Variants in PDE11A observed in about 807,000 individuals in gnomAD.
PDE11A encodes the protein phosphodiesterase 11A, also known as dual 3',5'-cyclic-AMP and -GMP phosphodiesterase 11A.
Under a neutral mutation model 100.5 loss-of-function variants are expected in PDE11A, and 100 were observed. The ratio of observed to expected loss-of-function variants is 1.00; its 90% CI spans 0.85 to 1.18. The LOEUF (loss-of-function observed/expected upper bound fraction) is 1.18. PDE11A is among the 50% of genes most tolerant of loss of function. The pLI is 0.00. For missense variants in PDE11A, 1,141 were observed against 1,152.6 expected, an observed-to-expected ratio of 0.99 and a Z score of 0.15; for synonymous variants, 381 against 420.8, an observed-to-expected ratio of 0.91 and a Z score of 1.16.
chr2:177,851,823 G>A (rs1180379799), intron 5 of PDE11A, among the ~76,000 whole-genome samples: 1 of 152,034 alleles, frequency 6.6e-6, no homozygotes, highest in Non-Finnish European at 1.5e-5. Context: ...ATGGGGGTTT[G>A]TTGTATGGAT....
At position 177,816,828 on chromosome 2, in the gene PDE11A, C is replaced by A. The variant is rs746042601; in HGVS notation, c.1737+1G>T. On this transcript the variant is annotated splice_donor_variant, in intron 9 of 19. Coordinates refer to ENST00000286063, the MANE Select transcript of PDE11A (RefSeq NM_016953.4). LOFTEE classifies it high-confidence loss of function. The stretch of plus-strand genomic sequence containing the variant: ...AAACCTGACATAAACACTGTACTTA[C>A]ATCAAGAGCCACAGACTGCTTGGCC... 6.5e-7 allele frequency: 1 copy of A among 1,549,194 alleles called. No homozygotes were observed. Among genetic ancestry groups the A allele is most frequent in the Admixed American group, 1.7e-5 (1 of 59,930 alleles).
chr2:177,894,082 G>T (rs879550538), intron 4 of PDE11A, among the ~76,000 whole-genome samples: 1 of 152,152 alleles, frequency 6.6e-6, no homozygotes, highest in Non-Finnish European at 1.5e-5. Flanking sequence ...GAGATAAACA[G>T]TTTCCTGTTT....
At chr2:177,904,191 T>C (rs911291569) in intron 3 of PDE11A, among the ~76,000 whole-genome samples, 1 of 152,342 alleles carries the variant, frequency 6.6e-6, no homozygotes, top group Admixed American at 6.5e-5. Context: ...TATTTGATAA[T>C]GTAGCATTTT....
chr2:178,073,483 A>C (rs2087165657), upstream of PDE11A, among the ~76,000 whole-genome samples: 1 of 152,176 alleles, frequency 6.6e-6, no homozygotes, highest in Admixed American at 6.5e-5. Context: ...TGGAGTATTT[A>C]ATTAACAGCA....
chr2:178,064,652 T>TA (rs77529888), intron 1 of PDE11A, among the ~76,000 whole-genome samples: 376 of 138,860 alleles, frequency 2.7e-3, no homozygotes, highest in African/African-American at 5.2e-3. Flanking sequence ...GTTATTATGT[T>TA]AAAAAAAAAA....
intron 2 of PDE11A, among the ~76,000 whole-genome samples, chr2:177,989,535 G>A (rs1043385761): frequency 2.6e-5 from 4 of 152,156 alleles, no homozygotes; most frequent in Admixed American, 6.5e-5. Flanking sequence ...CTGACCCACT[G>A]GGGATGCAAT....
chr2:177,875,734 G>C (rs1412959860), intron 5 of PDE11A, 125 bp downstream of exon 5: 6 of 728,602 alleles, frequency 8.2e-6, no homozygotes, highest in East Asian at 2.6e-5. Context: ...AAATACAGAA[G>C]AGTCACGATA....
rs1298313636 is a variant in PDE11A, at chr2:177,781,634, T to C, written c.1738-12261A>G. Reference sequence around the variant, plus strand: ...TCTCCTGACTCAGCCTCCAAGTAGCTGGGACTACAGGTGCGTGCCACCACA... The same window carrying C: ...TCTCCTGACTCAGCCTCCAAGTAGCCGGGACTACAGGTGCGTGCCACCACA... On this transcript the variant is annotated intron_variant, in intron 9 of 19. Coordinates refer to ENST00000286063, the MANE Select transcript of PDE11A (RefSeq NM_016953.4). Among the ~76,000 whole-genome samples the C allele has an allele frequency of 2.6e-5, 4 of 152,222 alleles. No homozygotes were observed. In the South Asian group the frequency reaches 8.3e-4, roughly 32 times the overall value.
chr2:177,935,496 C>G (rs2085261277), intron 2 of PDE11A, among the ~76,000 whole-genome samples: 1 of 152,132 alleles, frequency 6.6e-6, no homozygotes, highest in Non-Finnish European at 1.5e-5. Flanking sequence ...CAAATTGCCC[C>G]CTTAGTGCAA....
intron 6 of PDE11A, among the ~76,000 whole-genome samples, chr2:177,828,166 A>G (rs2083256897): frequency 6.6e-6 from 1 of 152,176 alleles, no homozygotes; most frequent in African/African-American, 2.4e-5. Context: ...TTAAAGCACA[A>G]ATAAAATCAA....
At chr2:177,685,699 C>A (rs2080936948) in intron 15 of PDE11A, among the ~76,000 whole-genome samples, 1 of 152,014 alleles carries the variant, frequency 6.6e-6, no homozygotes, top group Non-Finnish European at 1.5e-5. Context: ...TCCCAAGTAG[C>A]TGGGATTACA....
intron 19 of PDE11A, among the ~76,000 whole-genome samples, chr2:177,645,707 G>A (rs1376238866): frequency 6.6e-6 from 1 of 152,166 alleles, no homozygotes; most frequent in Non-Finnish European, 1.5e-5. Flanking sequence ...TTAGTATGAA[G>A]GCATATTAGC....
chr2:177,791,905 AG>A (rs765564759), intron 9 of PDE11A, among the ~76,000 whole-genome samples: 3 of 152,176 alleles, frequency 2.0e-5, no homozygotes, highest in Non-Finnish European at 4.4e-5. Flanking sequence ...TTAAGGTGAA[AG>A]AAATTGCCTA....
At chr2:177,977,281 T>A in intron 2 of PDE11A, among the ~76,000 whole-genome samples, 1 of 141,174 alleles carries the variant, frequency 7.1e-6, no homozygotes, top group Middle Eastern at 3.3e-3. Flanking sequence ...TCACAAGCAT[T>A]CTTATACACC....
intron 15 of PDE11A, among the ~76,000 whole-genome samples, chr2:177,691,500 T>C (rs1334875611): frequency 6.6e-6 from 1 of 152,210 alleles, no homozygotes; most frequent in Non-Finnish European, 1.5e-5. Context: ...AATGCCCAAA[T>C]GTTTCCTGGA....
chr2:177,747,895 C>T (rs1012061688), intron 10 of PDE11A, among the ~76,000 whole-genome samples: 5 of 151,900 alleles, frequency 3.3e-5, no homozygotes, highest in East Asian at 1.9e-4. Context: ...CCAGAGAGGT[C>T]GAATAACTTG....
chr2:177,737,472 G>A (rs370366506), intron 10 of PDE11A, among the ~76,000 whole-genome samples: 1 of 120,914 alleles, frequency 8.3e-6, no homozygotes, highest in East Asian at 2.6e-4. Context: ...GTGGTGGTGG[G>A]TGCCTGTAGT....
intron 16 of PDE11A, 73 bp from the exon 17 acceptor site, chr2:177,675,591 CATAA>C: frequency 9.3e-7 from 1 of 1,078,696 alleles, no homozygotes; most frequent in Non-Finnish European, 1.4e-6. Context: ...GTCCTAGATA[CATAA>C]ATAAATAAAA....
intron 17 of PDE11A, among the ~76,000 whole-genome samples, chr2:177,671,269 C>G (rs2080675841): frequency 2.0e-5 from 1 of 49,418 alleles, no homozygotes; most frequent in Admixed American, 2.9e-4. Context: ...CTCCCCTGTG[C>G]TCCTTTCACA....
Sources: gnomAD v4.1 joint callset for allele counts (sites outside exome capture counted in the v4.1 genomes callset) on GRCh38, gnomAD v4.1.1 for gene constraint, MANE v1.5 for transcripts, NCBI Gene and HGNC (gene_info 2026-07-23, HGNC 2026-07-21) for gene names.